Variants in PTPRB observed in about 807,000 individuals in gnomAD.
The protein encoded by PTPRB is protein tyrosine phosphatase receptor type B, also known as receptor-type tyrosine-protein phosphatase beta.
In PTPRB, 97 loss-of-function variants were observed where a neutral mutation model predicts 238.1. The ratio of observed to expected loss-of-function variants is 0.41; its 90% CI spans 0.35 to 0.48. The LOEUF is 0.48. Ranked by LOEUF, PTPRB falls within the 20% of genes least tolerant of loss-of-function variation. The pLI, the probability that PTPRB is intolerant of heterozygous loss-of-function variation, is 0.30. For missense variants in PTPRB, 2,292 were observed against 2,681.9 expected, an observed-to-expected ratio of 0.85 and a Z score of 3.21; for synonymous variants, 970 against 995.4, an observed-to-expected ratio of 0.97 and a Z score of 0.48.
At chr12:70,542,703 C>T (rs1431975604) in intron 22 of PTPRB, 2 of 149,058 alleles carry the variant, frequency 1.3e-5, no homozygotes, top group Non-Finnish European at 3.0e-5. Flanking sequence ...CTGGCCAACA[C>T]GTGAAACCCT....
chr12:70,530,718 A>ATTTT (rs1340612502), intron 32 of PTPRB, among the ~76,000 whole-genome samples: 4 of 151,976 alleles, frequency 2.6e-5, no homozygotes, highest in African/African-American at 9.7e-5. Flanking sequence ...TCACTATACT[A>ATTTT]TTTTTCCTAG....
intron 3 of PTPRB, among the ~76,000 whole-genome samples, chr12:70,618,281 A>AT (rs1386365960): frequency 6.6e-6 from 1 of 151,580 alleles, no homozygotes; most frequent in Non-Finnish European, 1.5e-5. Flanking sequence ...TAATTTTTTT[A>AT]TTTTTTCTTG....
chr12:70,559,141 C>T, intron 18 of PTPRB: 2 of 626,574 alleles, frequency 3.2e-6, no homozygotes, highest in East Asian at 2.7e-5. Context: ...TTGTAAGCCC[C>T]ATGAGGGCAG....
At chr12:70,547,008 CT>C (rs34760484) in intron 21 of PTPRB, among the ~76,000 whole-genome samples, 73 of 146,286 alleles carry the variant, frequency 5.0e-4, no homozygotes, top group Admixed American at 5.4e-4. Flanking sequence ...AGAAGTACTC[CT>C]TTTTTTTTTT....
In PTPRB at chr12:70,590,090, C is replaced by T. The variant is rs932710692; in HGVS notation, c.1924G>A (p.Val642Met). Residue 642 changes from valine to methionine, a missense_variant, in exon 8 of 34, where the codon GTG (valine) becomes ATG (methionine). Val to Met is a conservative substitution (Grantham distance 21). This residue lies in a region of PTPRB where 1,205 missense variants were observed against 1,287.8 expected (regional missense o/e 0.94). Coordinates refer to ENST00000334414, the MANE Select transcript of PTPRB (RefSeq NM_001109754.4). Reference sequence around the variant, plus strand: ...ACATACTGTGTTTCTTCCTTTCCCACAGTGATGTTGAGCAGCACCACAGAA... The same window carrying T: ...ACATACTGTGTTTCTTCCTTTCCCATAGTGATGTTGAGCAGCACCACAGAA... Reference protein sequence around the residue: ...NDSVVLLNITVGKEETQYVMD... With the variant: ...NDSVVLLNITMGKEETQYVMD... 8.1e-6 allele frequency: 13 copies of T among 1,614,008 alleles called. No homozygotes were observed. Among genetic ancestry groups the T allele is most frequent in the Non-Finnish European group, 1.1e-5 (13 of 1,179,880 alleles).
At chr12:70,562,743 C>A in intron 16 of PTPRB, 101 bp downstream of exon 16, 1 of 1,392,786 alleles carries the variant, frequency 7.2e-7, no homozygotes, top group Non-Finnish European at 9.8e-7. Flanking sequence ...TATAAAGCTA[C>A]ATCCTGAATA....
At position 70,516,894 on chromosome 12, in the gene PTPRB, C is replaced by T. The variant is rs1343892271; in HGVS notation, c.*4595G>A. On this transcript the variant is annotated 3_prime_UTR_variant, in exon 34 of 34. Transcript: ENST00000334414. The stretch of plus-strand genomic sequence containing the variant: ...CAATTTCTTTATTTAATAAGTGTAT[C>T]TTATATAGACAATCTTTTAAAAAAT... The T allele has an allele frequency of 2.0e-5, 3 of 152,114 alleles. No individual in the cohort carries two copies. The highest frequency in any genetic ancestry group is 7.2e-5 in the African/African-American group (3 of 41,434). The allele number at this position is 152,114 out of a possible 1,614,324, so 9.4% of individuals were successfully genotyped here.
At chr12:70,606,616 G>C (rs1009023506) in intron 4 of PTPRB, among the ~76,000 whole-genome samples, 1 of 152,156 alleles carries the variant, frequency 6.6e-6, no homozygotes, top group Non-Finnish European at 1.5e-5. Context: ...TTTGAAGTTT[G>C]TCTGAGTTTG....
In PTPRB at chr12:70,572,179, T is replaced by A. The variant is rs570003853; in HGVS notation, c.2843-92A>T. ...AAGCTGGGACAATAAAAAGAGAGAG[T>A]AGATTATTATTGTGTGCATTTAAAA... is the stretch of plus-strand genomic sequence containing the variant. On this transcript the variant is annotated intron_variant, in intron 11 of 33. Coordinates refer to ENST00000334414, the MANE Select transcript of PTPRB (RefSeq NM_001109754.4). The A allele has an allele frequency of 1.7e-4, 214 of 1,272,284 alleles. 1 individual carries two copies. Among genetic ancestry groups the A allele is most frequent in the Middle Eastern group, 2.2e-4 (1 of 4,480 alleles). The allele number at this position is 1,272,284 out of a possible 1,614,324, so 78.8% of individuals were successfully genotyped here.
At chr12:70,594,402 C>T in intron 6 of PTPRB, 65 bp downstream of exon 6, 11 of 1,575,730 alleles carry the variant, frequency 7.0e-6, no homozygotes, top group Non-Finnish European at 9.5e-6. Context: ...ATATAATAAA[C>T]TTGACTTATT....
At chr12:70,634,831 C>A (rs1285992737) in intron 2 of PTPRB, among the ~76,000 whole-genome samples, 1 of 152,208 alleles carries the variant, frequency 6.6e-6, no homozygotes, top group Non-Finnish European at 1.5e-5. Flanking sequence ...TTTTCCCATG[C>A]TTTGTAAGGT....
chr12:70,635,770 C>T lies in PTPRB; in HGVS notation c.352G>A (p.Val118Ile). 1.2e-6 allele frequency: 2 copies of T among 1,613,892 alleles called. No homozygotes were observed. Among genetic ancestry groups the T allele is most frequent in the Non-Finnish European group, 1.7e-6 (2 of 1,179,874 alleles). The change falls in exon 2 of 34, where the codon GTA (valine) becomes ATA (isoleucine). Residue 118 changes from valine (V) to isoleucine (I), a missense_variant. Val to Ile is a conservative substitution (Grantham distance 29, BLOSUM62 3). Transcript: ENST00000334414. ...TATTTCCTGGCCTTCTTGACCACTA[C>T]TCTGGAGCCTTGTTTCTGGAGAAAG... The part of the protein sequence containing the change: ...SLFLQKQGSR[V>I]VVKKARKYLH...
chr12:70,600,372 G>A lies in PTPRB; in HGVS notation c.980-4045C>T, dbSNP rs563376569. The stretch of plus-strand genomic sequence containing the variant: ...CTTCCAATACCTGTCTCTAAATCCT[G>A]TTTTCTCTCTATCACACCTTAGCTG... On this transcript the variant is annotated intron_variant, in intron 4 of 33. Transcript: ENST00000334414. Among the ~76,000 whole-genome samples the A allele has an allele frequency of 2.6e-5, 4 of 152,280 alleles. No individual in the cohort carries two copies. In the South Asian group the frequency reaches 8.3e-4, roughly 32 times the overall value.
intron 2 of PTPRB, among the ~76,000 whole-genome samples, chr12:70,629,372 G>A (rs979291922): frequency 6.6e-6 from 1 of 152,112 alleles, no homozygotes; most frequent in Non-Finnish European, 1.5e-5. Context: ...AATGAAGGCA[G>A]AAATAAAGAT....
intron 6 of PTPRB, among the ~76,000 whole-genome samples, 160 bp downstream of exon 6, chr12:70,594,307 A>T (rs1882783434): frequency 6.6e-6 from 1 of 152,228 alleles, no homozygotes; most frequent in South Asian, 2.1e-4. Context: ...AATAAAAGAG[A>T]ATCCTTCTTT....
intron 5 of PTPRB, among the ~76,000 whole-genome samples, chr12:70,595,496 T>C (rs910347534): frequency 6.6e-6 from 1 of 151,050 alleles, no homozygotes. Context: ...AGAGAGAAAA[T>C]GAGGGGAGAG....
Position 70,571,896 on chromosome 12 carries a change from G to C in PTPRB, c.3034C>G (p.Arg1012Gly). 1 of 1,613,728 alleles carries C rather than the reference G, an allele frequency of 6.2e-7. No homozygotes were observed. Among genetic ancestry groups the C allele is most frequent in the South Asian group, 1.1e-5 (1 of 91,072 alleles). Residue 1012 changes from arginine to glycine, a missense_variant, in exon 12 of 34, where the codon CGG (arginine) becomes GGG (glycine). By Grantham distance (125) the Arg-to-Gly change is moderately radical. Around this residue, in one of 4 missense-constraint regions of PTPRB, gnomAD observed 1,205 missense variants for 1,287.8 expected, o/e 0.94. Coordinates refer to ENST00000334414, the MANE Select transcript of PTPRB (RefSeq NM_001109754.4). ...ECVFVQLVPG[R>G]LYSVTVTTKS... ...GTAGTAACAGTGACACTGTACAACC[G>C]TCCAGGGACTAGCTGAACAAATACA...
At chr12:70,631,443 G>A (rs2136607769) in intron 2 of PTPRB, among the ~76,000 whole-genome samples, 1 of 152,248 alleles carries the variant, frequency 6.6e-6, no homozygotes, top group Middle Eastern at 3.4e-3. Flanking sequence ...ATGGATTAAA[G>A]ACTTAAATGT....
rs531349689 is a variant in PTPRB, at chr12:70,516,583, G to A, written c.*4906C>T. On this transcript the variant is annotated 3_prime_UTR_variant, in exon 34 of 34. Transcript: ENST00000334414. ...TTCATGTGTTCCTTTCTTGATGGAG[G>A]TGCTTATCTACGCACACAGCTATTA... 3 of 152,294 alleles carry A rather than the reference G, an allele frequency of 2.0e-5. No homozygotes were observed. In the South Asian group the frequency reaches 6.2e-4, roughly 32 times the overall value. The allele number at this position is 152,294 out of a possible 1,614,324, so 9.4% of individuals were successfully genotyped here.
Sources: gnomAD v4.1 joint callset for allele counts (sites outside exome capture counted in the v4.1 genomes callset) on GRCh38, gnomAD v4.1.1 for gene constraint, gnomAD v4.1.1 regional missense constraint, MANE v1.5 for transcripts, NCBI Gene and HGNC (gene_info 2026-07-23, HGNC 2026-07-21) for gene names.